Variants in STK32B observed in about 807,000 individuals in gnomAD.
STK32B encodes the protein serine/threonine kinase 32B, also known as serine/threonine-protein kinase 32B.
A neutral mutation model predicts 52.6 loss-of-function variants in STK32B; 43 were observed. The ratio of observed to expected loss-of-function variants is 0.82; its 90% CI spans 0.64 to 1.05. The LOEUF (loss-of-function observed/expected upper bound fraction) is 1.05, where lower values mean the gene tolerates loss of function less well. Among genes scored for constraint, STK32B ranks in the 50% least tolerant of loss-of-function variants. STK32B has a pLI of 0.00. For missense variants in STK32B, 621 were observed against 534.6 expected (o/e 1.16, Z -1.59); for synonymous variants, 238 against 204.3 (o/e 1.17, Z -1.41).
In STK32B at chr4:5,490,350, A is replaced by G. The variant is rs1382668377; in HGVS notation, c.1107-8595A>G. 2.0e-5 allele frequency among the ~76,000 whole-genome samples: 3 copies of G among 151,928 alleles called. No individual in the cohort carries two copies. The East Asian group carries it at 5.9e-4, about 30-fold the overall frequency. ...TTGAACTCCTGACCTCAGGTGATCC[A>G]CCCACCTCAGCCTCCCAAAGTGCTG... On this transcript the variant is annotated intron_variant, in intron 11 of 11. Coordinates refer to ENST00000282908, the MANE Select transcript of STK32B (RefSeq NM_018401.3).
At chr4:5,056,057 G>A (rs1741993815) in intron 1 of STK32B, among the ~76,000 whole-genome samples, 1 of 152,104 alleles carries the variant, frequency 6.6e-6, no homozygotes, top group Non-Finnish European at 1.5e-5. Flanking sequence ...AGCGAGTGAG[G>A]GAGCATTAAT....
intron 3 of STK32B, among the ~76,000 whole-genome samples, chr4:5,312,436 C>T (rs549337913): frequency 4.0e-5 from 6 of 149,658 alleles, no homozygotes; most frequent in African/African-American, 9.8e-5. Context: ...ATCCCTCCCC[C>T]CTCCCCACAC....
chr4:5,383,736 C>G (rs939652190), intron 4 of STK32B, among the ~76,000 whole-genome samples: 6 of 152,190 alleles, frequency 3.9e-5, no homozygotes, highest in Non-Finnish European at 8.8e-5. Context: ...TCAGCAGGGG[C>G]AGGGCCATCC....
At chr4:5,477,341 C>A (rs1027620708) in intron 11 of STK32B, among the ~76,000 whole-genome samples, 22 of 152,096 alleles carry the variant, frequency 1.4e-4, no homozygotes, top group African/African-American at 4.6e-4. Context: ...GCCTTAGAGT[C>A]TCTGCCTGAG....
At chr4:5,267,077 G>A (rs1727099823) in intron 3 of STK32B, among the ~76,000 whole-genome samples, 1 of 152,056 alleles carries the variant, frequency 6.6e-6, no homozygotes, top group African/African-American at 2.4e-5. Context: ...CATAAAACCA[G>A]GGTGGCGTGC....
At chr4:5,053,396 A>G (rs998398641) in intron 1 of STK32B, among the ~76,000 whole-genome samples, 2 of 152,154 alleles carry the variant, frequency 1.3e-5, no homozygotes, top group African/African-American at 4.8e-5. Context: ...TGTCCCAGTA[A>G]GAGTTTGAAC....
At chr4:5,454,622 AGCAGCAGTGGTCAGAGGTGAGCCTTG>A (rs1321699156) in intron 7 of STK32B, among the ~76,000 whole-genome samples, 3 of 152,132 alleles carry the variant, frequency 2.0e-5, no homozygotes, top group Non-Finnish European at 4.4e-5. Context: ...TTTCCCCTGT[AGCAGCAGTGGTCAGAGGTGAGCCTTG>A]GCAATTCACA....
chr4:5,037,719 C>T, the STK32B span, among the ~76,000 whole-genome samples: 8 of 152,208 alleles, frequency 5.3e-5, no homozygotes, highest in Admixed American at 3.3e-4. Flanking sequence ...GATAGTGGCT[C>T]TGGGGACACA....
chr4:5,358,700 T>G, intron 4 of STK32B, among the ~76,000 whole-genome samples: 1 of 112,692 alleles, frequency 8.9e-6, no homozygotes, highest in East Asian at 2.2e-4. Flanking sequence ...TTCACACACA[T>G]GCACACACAC....
intron 1 of STK32B, among the ~76,000 whole-genome samples, chr4:5,065,241 A>G (rs1241375605): frequency 6.6e-6 from 1 of 152,222 alleles, no homozygotes; most frequent in East Asian, 1.9e-4. Flanking sequence ...AAGGTTAACT[A>G]CTAAGTAGAG....
intron 1 of STK32B, among the ~76,000 whole-genome samples, chr4:5,128,960 G>A (rs570297568): frequency 6.6e-6 from 1 of 152,326 alleles, no homozygotes; most frequent in Admixed American, 6.5e-5. Context: ...CATACACGTA[G>A]TTTCTCAGTG....
intron 11 of STK32B, among the ~76,000 whole-genome samples, chr4:5,471,573 C>G (rs1296439508): frequency 6.6e-6 from 1 of 152,110 alleles, no homozygotes; most frequent in Admixed American, 6.5e-5. Flanking sequence ...TTAAAGCCAC[C>G]CAGTTGGTGG....
intron 3 of STK32B, among the ~76,000 whole-genome samples, chr4:5,290,420 T>A (rs934831470): frequency 6.6e-6 from 1 of 152,198 alleles, no homozygotes; most frequent in African/African-American, 2.4e-5. Flanking sequence ...TTTAAACTTT[T>A]TTGTTAAATA....
intron 2 of STK32B, among the ~76,000 whole-genome samples, chr4:5,147,681 TA>T (rs1436684424): frequency 1.3e-5 from 2 of 152,078 alleles, no homozygotes; most frequent in African/African-American, 2.4e-5. Flanking sequence ...GAAATGATCA[TA>T]TTTTTTCTCC....
intron 1 of STK32B, among the ~76,000 whole-genome samples, chr4:5,100,682 T>A (rs867396180): frequency 5.1e-5 from 1 of 19,518 alleles, no homozygotes; most frequent in Non-Finnish European, 9.6e-5. Context: ...CTTTCCTTTC[T>A]TACTTTCTTT....
At chr4:5,262,964 A>G (rs1040842124) in intron 3 of STK32B, among the ~76,000 whole-genome samples, 3 of 152,182 alleles carry the variant, frequency 2.0e-5, no homozygotes, top group South Asian at 2.1e-4. Flanking sequence ...CTTAGCTCAG[A>G]TATCAACTAT....
intron 3 of STK32B, among the ~76,000 whole-genome samples, chr4:5,251,400 G>A (rs1420952967): frequency 6.6e-6 from 1 of 152,106 alleles, no homozygotes; most frequent in Non-Finnish European, 1.5e-5. Flanking sequence ...TTGTAGCTGT[G>A]CAGCTTTATT....
At chr4:5,305,163 T>G (rs1729840445) in intron 3 of STK32B, among the ~76,000 whole-genome samples, 1 of 152,110 alleles carries the variant, frequency 6.6e-6, no homozygotes, top group South Asian at 2.1e-4. Context: ...TTTTGTTATG[T>G]CCTTTTCTGG....
At chr4:5,312,660 C>A (rs28835033) in intron 3 of STK32B, among the ~76,000 whole-genome samples, 7 of 151,876 alleles carry the variant, frequency 4.6e-5, no homozygotes, top group African/African-American at 1.2e-4. Context: ...TGTATATGTG[C>A]CACATTTTCT....
Sources: allele counts gnomAD v4.1 joint callset (sites outside exome capture counted in the v4.1 genomes callset), GRCh38; gene constraint gnomAD v4.1.1; transcripts MANE v1.5; gene names NCBI Gene and HGNC (gene_info 2026-07-23, HGNC 2026-07-21).